POLD3: variants seen among roughly 807,000 people sequenced by gnomAD.
POLD3 encodes DNA polymerase delta subunit 3.
In POLD3, 19 loss-of-function variants were observed where a neutral mutation model predicts 58.2. The observed-to-expected ratio is 0.33, with a 90% CI of 0.23 to 0.48. The LOEUF is 0.48. POLD3 is among the 20% of genes least tolerant of loss of function. POLD3 has a pLI of 0.99. For missense variants in POLD3, 504 were observed against 545.5 expected (o/e 0.92, Z 0.76); for synonymous variants, 172 against 193.5 (o/e 0.89, Z 0.92).
At chr11:74,601,827 G>A (rs550920504) in intron 2 of POLD3, among the ~76,000 whole-genome samples, 3 of 152,238 alleles carry the variant, frequency 2.0e-5, no homozygotes, top group Non-Finnish European at 4.4e-5. Flanking sequence ...TTGGGGAAGG[G>A]TTCATACTTC....
intron 4 of POLD3, among the ~76,000 whole-genome samples, chr11:74,661,121 C>G (rs1226035071): frequency 6.6e-6 from 1 of 151,996 alleles, no homozygotes; most frequent in African/African-American, 2.4e-5. Context: ...TCTTGAATTT[C>G]TTTGACTTTC....
chr11:74,635,499 A>C (rs2032722807), intron 10 of POLD3, among the ~76,000 whole-genome samples: 2 of 152,176 alleles, frequency 1.3e-5, no homozygotes, highest in Admixed American at 6.5e-5. Flanking sequence ...AGACCTGGGC[A>C]ACACAGGGAG....
chr11:74,607,518 G>T (rs950820435), intron 3 of POLD3, among the ~76,000 whole-genome samples: 2 of 151,396 alleles, frequency 1.3e-5, no homozygotes, highest in African/African-American at 2.4e-5. Flanking sequence ...CACCCACCGC[G>T]GCCTCCCAAA....
At chr11:74,599,935 A>T (rs1460322398) in intron 2 of POLD3, among the ~76,000 whole-genome samples, 1 of 150,692 alleles carries the variant, frequency 6.6e-6, no homozygotes, top group African/African-American at 2.5e-5. Flanking sequence ...GTAAGAAGTC[A>T]TATATGTTGT....
At chr11:74,635,928 A>G (rs1212474240) in intron 10 of POLD3, among the ~76,000 whole-genome samples, 1 of 152,102 alleles carries the variant, frequency 6.6e-6, no homozygotes, top group East Asian at 1.9e-4. Context: ...ACCCAACAAT[A>G]GTTTATTGAC....
chr11:74,654,086 A>AT (rs966750180), intron 4 of POLD3, among the ~76,000 whole-genome samples: 1 of 152,144 alleles, frequency 6.6e-6, no homozygotes, highest in Non-Finnish European at 1.5e-5. Flanking sequence ...ACCATGAGTG[A>AT]TCCCCCCAGA....
Position 74,640,923 on chromosome 11 carries a change from T to C in POLD3, c.*157T>C. On this transcript the variant is annotated 3_prime_UTR_variant, in exon 12 of 12. Coordinates refer to ENST00000263681, the MANE Select transcript of POLD3 (RefSeq NM_006591.3). ...TGAGGTTTATACTATTTCTGGTTTT[T>C]AACCAAAAGGAAATCATCTGGAAGC... The C allele has an allele frequency of 7.9e-7, 1 of 1,266,358 alleles. No homozygotes were observed. Among genetic ancestry groups the C allele is most frequent in the East Asian group, 3.1e-5 (1 of 32,178 alleles). 78.4% of individuals were successfully genotyped at this position (1,266,358 alleles called of 1,614,324 possible). A position where few individuals can be genotyped will look rare whatever the true frequency, so the allele number is the denominator to read the frequency against.
chr11:74,612,754 G>A, intron 4 of POLD3, 124 bp from the exon 5 acceptor site: 1 of 701,400 alleles, frequency 1.4e-6, no homozygotes, highest in Non-Finnish European at 2.3e-6. Flanking sequence ...TGGCTGTGTG[G>A]CCTTTAGAGT....
At chr11:74,612,715 A>T (rs948790116) in intron 4 of POLD3, among the ~76,000 whole-genome samples, 163 bp from the exon 5 acceptor site, 10 of 152,214 alleles carry the variant, frequency 6.6e-5, no homozygotes, top group Non-Finnish European at 1.5e-5. Context: ...CCCATTGCAG[A>T]CAGAAGAGTT....
At chr11:74,623,332 G>A (rs1445520653) in intron 7 of POLD3, among the ~76,000 whole-genome samples, 2 of 152,190 alleles carry the variant, frequency 1.3e-5, no homozygotes, top group East Asian at 3.8e-4. Context: ...CTACTCAGGA[G>A]GCTGAGGCAG....
intron 1 of POLD3, chr11:74,593,084 C>G: frequency 9.6e-7 from 1 of 1,042,510 alleles, no homozygotes; most frequent in South Asian, 3.3e-5. Flanking sequence ...GAAATCGTGT[C>G]TTAACTGTGT....
chr11:74,650,308 ACCCAGTGTTTCC>A (rs1248403337), intron 4 of POLD3, among the ~76,000 whole-genome samples: 1,723 of 152,218 alleles, frequency 0.011, 27 homozygotes, highest in African/African-American at 0.039. Context: ...GGGCTAATGG[ACCCAGTGTTTCC>A]TTGCAGTTCT....
At chr11:74,609,345 G>GATATGTATATATATAT (rs2031807556) in intron 3 of POLD3, among the ~76,000 whole-genome samples, 1 of 42,654 alleles carries the variant, frequency 2.3e-5, no homozygotes, top group Admixed American at 3.9e-4. Context: ...CATTGTTTTT[G>GATATGTATATATATAT]ATATATATAT....
Position 74,618,792 on chromosome 11 carries a change from A to G in POLD3, c.648A>G (p.Lys216=), listed in dbSNP as rs1432820691. ...ACAAGGAAACGAAAACAGAGGCTAA[A>G]GAAGTAACAAATGTAAGTCTTCTTT... ...ETNKETKTEA[K]EVTNASAAGN... is the part of the protein sequence containing the mutation. Residue 216 remains lysine, a synonymous_variant, in exon 6 of 12, where the codon AAA becomes AAG. Transcript: ENST00000263681. 1 of 1,611,364 alleles carries G rather than the reference A, an allele frequency of 6.2e-7. No individual in the cohort carries two copies. Among genetic ancestry groups the G allele is most frequent in the South Asian group, 1.1e-5 (1 of 90,946 alleles).
intron 4 of POLD3, among the ~76,000 whole-genome samples, chr11:74,668,110 C>T (rs1018871111): frequency 3.3e-5 from 5 of 152,182 alleles, no homozygotes; most frequent in Admixed American, 2.0e-4. Flanking sequence ...AAATTTGGAA[C>T]CTTCATCCAC....
At chr11:74,634,549 A>G (rs1228127067) in intron 9 of POLD3, 34 bp from the exon 10 acceptor site, 4 of 1,104,374 alleles carry the variant, frequency 3.6e-6, no homozygotes, top group Non-Finnish European at 5.6e-6. Context: ...TAGTGCTTGT[A>G]GTTCTCTGAT....
intron 2 of POLD3, among the ~76,000 whole-genome samples, chr11:74,596,984 A>G (rs538809276): frequency 4.2e-4 from 64 of 152,356 alleles, no homozygotes; most frequent in South Asian, 3.9e-3. Flanking sequence ...TATATACACT[A>G]TATTTCCTTT....
intron 7 of POLD3, among the ~76,000 whole-genome samples, chr11:74,623,427 T>A (rs1420095823): frequency 6.6e-6 from 1 of 151,974 alleles, no homozygotes; most frequent in Non-Finnish European, 1.5e-5. Context: ...AGAGAAAGAC[T>A]CTGTCTCAAA....
intron 2 of POLD3, among the ~76,000 whole-genome samples, chr11:74,604,115 A>G (rs925263489): frequency 1.3e-5 from 2 of 152,188 alleles, no homozygotes; most frequent in African/African-American, 4.8e-5. Context: ...GACATTTGTG[A>G]TCATATACTT....
Sources: allele counts gnomAD v4.1 joint callset (sites outside exome capture counted in the v4.1 genomes callset), GRCh38; gene constraint gnomAD v4.1.1; transcripts MANE v1.5; gene names NCBI Gene and HGNC (gene_info 2026-07-23, HGNC 2026-07-21).